Variants in TENM2 observed in about 807,000 individuals in gnomAD.
TENM2 encodes the protein teneurin transmembrane protein 2.
In TENM2, 52 loss-of-function variants were observed where a neutral mutation model predicts 245.2. That is an observed-to-expected ratio of 0.21 (90% CI 0.17 to 0.27). The LOEUF is 0.27. TENM2 is among the 10% of genes least tolerant of loss of function. The pLI, the probability that TENM2 is intolerant of heterozygous loss-of-function variation, is 1.00. For missense variants in TENM2, 3,046 were observed against 3,666.8 expected, an observed-to-expected ratio of 0.83 and a Z score of 4.37; for synonymous variants, 1,363 against 1,438.9, an observed-to-expected ratio of 0.95 and a Z score of 1.19.
chr5:167,046,711 A>C, the TENM2 span, among the ~76,000 whole-genome samples: 1 of 137,818 alleles, frequency 7.3e-6, no homozygotes, highest in African/African-American at 3.0e-5. Context: ...ATTATACTTT[A>C]AGTTCTGGGA....
intron 2 of TENM2, among the ~76,000 whole-genome samples, chr5:167,618,908 T>A (rs963234059): frequency 3.3e-5 from 5 of 151,942 alleles, no homozygotes; most frequent in African/African-American, 1.2e-4. Flanking sequence ...AGTTAGGGAG[T>A]TTAGGCAGTT....
chr5:167,090,129 T>A, the TENM2 span, among the ~76,000 whole-genome samples: 1 of 152,152 alleles, frequency 6.6e-6, no homozygotes, highest in African/African-American at 2.4e-5. Context: ...AATAATTTAT[T>A]ACTGTAAGAG....
At chr5:168,211,223 G>T (rs867912294) in intron 19 of TENM2, among the ~76,000 whole-genome samples, 1 of 152,182 alleles carries the variant, frequency 6.6e-6, no homozygotes, top group Non-Finnish European at 1.5e-5. Flanking sequence ...TCTCTTGGGT[G>T]GTACTCATTC....
At chr5:167,832,200 A>G (rs1768561608) in intron 2 of TENM2, among the ~76,000 whole-genome samples, 1 of 152,180 alleles carries the variant, frequency 6.6e-6, no homozygotes, top group South Asian at 2.1e-4. Flanking sequence ...ATTAAAGAGG[A>G]AAGTATTTAG....
chr5:168,228,011 C>G (rs1764388206), exon 25 of TENM2: 2 of 1,613,836 alleles, frequency 1.2e-6, no homozygotes, highest in East Asian at 4.5e-5. Flanking sequence ...CACCATCACC[C>G]CCACCATTGG....
At chr5:167,742,097 T>G (rs1436395851) in intron 2 of TENM2, among the ~76,000 whole-genome samples, 3 of 152,176 alleles carry the variant, frequency 2.0e-5, no homozygotes, top group African/African-American at 7.2e-5. Flanking sequence ...CTACTTTATC[T>G]TCATGAACCT....
chr5:168,257,131 G>A (rs1767735812), intron 27 of TENM2, among the ~76,000 whole-genome samples: 1 of 152,146 alleles, frequency 6.6e-6, no homozygotes, highest in African/African-American at 2.4e-5. Flanking sequence ...TCCCCATGCT[G>A]GTGGAGCTTG....
chr5:167,333,012 G>GA (rs1430648440), intron 1 of TENM2, among the ~76,000 whole-genome samples: 1 of 152,068 alleles, frequency 6.6e-6, no homozygotes, highest in Non-Finnish European at 1.5e-5. Flanking sequence ...GGGAATTAAA[G>GA]AAAAAATGGA....
intron 2 of TENM2, among the ~76,000 whole-genome samples, chr5:167,871,624 AAAGACATAT>A (rs1772835701): frequency 6.6e-6 from 1 of 152,188 alleles, no homozygotes; most frequent in South Asian, 2.1e-4. Context: ...GTTTAATGAA[AAAGACATAT>A]TGCTGCCTTT....
At chr5:167,136,144 A>T in the TENM2 span, among the ~76,000 whole-genome samples, 1 of 152,214 alleles carries the variant, frequency 6.6e-6, no homozygotes, top group African/African-American at 2.4e-5. Flanking sequence ...TTGTAAATTT[A>T]GTTCTTTATG....
At chr5:167,284,336 TTTTG>T (rs767005090), upstream of TENM2, among the ~76,000 whole-genome samples, 1 of 152,196 alleles carries the variant, frequency 6.6e-6, no homozygotes, top group Non-Finnish European at 1.5e-5. Context: ...TTTCTTTGCC[TTTTG>T]TTTATTTTTT....
chr5:167,708,626 C>T (rs974493567), intron 2 of TENM2, among the ~76,000 whole-genome samples: 36 of 152,028 alleles, frequency 2.4e-4, no homozygotes, highest in Admixed American at 7.9e-4. Context: ...GGTAGAGGAC[C>T]GAGGAGAGGG....
chr5:167,144,786 G>C, the TENM2 span, among the ~76,000 whole-genome samples: 1 of 152,214 alleles, frequency 6.6e-6, no homozygotes, highest in Non-Finnish European at 1.5e-5. Context: ...AGAAAGCATT[G>C]CTTTAGTGTA....
At chr5:167,827,609 T>C (rs1252921289) in intron 2 of TENM2, among the ~76,000 whole-genome samples, 26 of 49,588 alleles carry the variant, frequency 5.2e-4, no homozygotes, top group African/African-American at 2.0e-3. Flanking sequence ...ATATTTATTA[T>C]GGCAAGGAGC....
At chr5:167,595,503 C>G (rs925666353) in intron 2 of TENM2, among the ~76,000 whole-genome samples, 1 of 152,210 alleles carries the variant, frequency 6.6e-6, no homozygotes, top group African/African-American at 2.4e-5. Flanking sequence ...CAGACCTATT[C>G]TGAAACAAAA....
At chr5:167,092,021 G>C in the TENM2 span, among the ~76,000 whole-genome samples, 1 of 152,116 alleles carries the variant, frequency 6.6e-6, no homozygotes, top group East Asian at 1.9e-4. Context: ...GGCTTGCAAT[G>C]AGTATCTGCC....
rs571002872 is a variant in TENM2 at position 168,201,557 on chromosome 5, T to A, written c.3430+1426T>A. Among the ~76,000 whole-genome samples the A allele has an allele frequency of 5.3e-5, 8 of 152,102 alleles. No individual in the cohort carries two copies. The East Asian group carries it at 1.5e-3, about 29-fold the overall frequency. On this transcript the variant is annotated intron_variant, in intron 17 of 28. Coordinates refer to ENST00000518659, the Ensembl canonical transcript of TENM2. ...CGTCACATCATTTCACCTGTAATAT[T>A]TAAGAATGTATCTCTAAAAACATAA...
At chr5:167,740,004 G>C (rs1332744111) in intron 2 of TENM2, among the ~76,000 whole-genome samples, 1 of 152,088 alleles carries the variant, frequency 6.6e-6, no homozygotes, top group Admixed American at 6.5e-5. Context: ...AAAATCCCTG[G>C]GATAATTAGC....
the TENM2 span, among the ~76,000 whole-genome samples, chr5:167,091,215 G>A: frequency 3.3e-5 from 5 of 152,092 alleles, no homozygotes; most frequent in East Asian, 9.6e-4. Context: ...ATTTCCTGGG[G>A]GCTGGGGGAA....
Sources: gnomAD v4.1 joint callset for allele counts (sites outside exome capture counted in the v4.1 genomes callset) on GRCh38, gnomAD v4.1.1 for gene constraint, MANE v1.5 for transcripts, NCBI Gene and HGNC (gene_info 2026-07-23, HGNC 2026-07-21) for gene names.